The following PIK3CD variants were observed in gnomAD, a reference collection of about 807,000 sequenced individuals.
PIK3CD encodes phosphatidylinositol 4,5-bisphosphate 3-kinase catalytic subunit delta isoform.
In PIK3CD, 20 loss-of-function variants were observed where a neutral mutation model predicts 122.9. That is an observed-to-expected ratio of 0.16 (90% CI 0.11 to 0.24). The LOEUF is 0.24. Ranked by LOEUF, PIK3CD falls within the 10% of genes least tolerant of loss-of-function variation. The pLI is 1.00. For missense variants in PIK3CD, 787 were observed against 1,406.3 expected (o/e 0.56, Z 7.04); for synonymous variants, 596 against 593.4 (o/e 1.00, Z -0.06).
chr1:9,666,219 C>T (rs1321371965), intron 1 of PIK3CD, among the ~76,000 whole-genome samples: 50 of 134,876 alleles, frequency 3.7e-4, no homozygotes, highest in African/African-American at 1.3e-3. Flanking sequence ...TGAGCCACCG[C>T]GCCCGGTCTT....
intron 1 of PIK3CD, chr1:9,672,799 G>C (rs555706691): frequency 2.0e-5 from 3 of 152,286 alleles, no homozygotes; most frequent in Admixed American, 2.0e-4. Flanking sequence ...GGTTCAGGTA[G>C]AGAATTATTA....
chr1:9,720,060 G>T lies in PIK3CD; in HGVS notation c.1339+43G>T. ...AGGGAGAGGCGTTGGGAGTGTGAGG[G>T]TCCCAGAGATGCTGGTCACCCCTCT... is the stretch of plus-strand genomic sequence containing the variant. On this transcript the variant is annotated intron_variant, in intron 10 of 23. Coordinates refer to ENST00000377346, the MANE Select transcript of PIK3CD (RefSeq NM_005026.5). This position sits in a 1 kb window ranked among gnomAD's most constrained non-coding sequence, Gnocchi z 9.0. 1 of 1,613,352 alleles carries T rather than the reference G, an allele frequency of 6.2e-7. No homozygotes were observed. The highest frequency in any genetic ancestry group is 8.5e-7 in the Non-Finnish European group (1 of 1,179,934).
chr1:9,665,256 A>T (rs1191292644), intron 1 of PIK3CD, among the ~76,000 whole-genome samples: 1 of 150,920 alleles, frequency 6.6e-6, no homozygotes, highest in Non-Finnish European at 1.5e-5. Context: ...CTTCAGTCAT[A>T]TCCATCATAG....
intron 2 of PIK3CD, among the ~76,000 whole-genome samples, chr1:9,697,659 G>C (rs1646472271): frequency 6.6e-6 from 1 of 151,734 alleles, no homozygotes; most frequent in East Asian, 1.9e-4. Context: ...CTTGAGCTCA[G>C]GAGTTCAAGG....
the PIK3CD span, among the ~76,000 whole-genome samples, chr1:9,634,505 C>T: frequency 6.6e-6 from 1 of 151,834 alleles, no homozygotes; most frequent in Admixed American, 6.6e-5. Flanking sequence ...CGCCATGTTG[C>T]CCAGGCTGGT....
intron 3 of PIK3CD, among the ~76,000 whole-genome samples, chr1:9,713,947 G>A (rs984163008): frequency 6.6e-6 from 1 of 150,718 alleles, no homozygotes; most frequent in Non-Finnish European, 1.5e-5. Context: ...CAACCTCCTG[G>A]GCTCAAATGA....
chr1:9,630,490 G>A, the PIK3CD span, among the ~76,000 whole-genome samples: 1 of 152,204 alleles, frequency 6.6e-6, no homozygotes, highest in Non-Finnish European at 1.5e-5. Flanking sequence ...CTGGGTGCCA[G>A]ACACAGGGGA....
intron 1 of PIK3CD, among the ~76,000 whole-genome samples, chr1:9,671,262 G>A (rs115181894): frequency 0.015 from 2,318 of 152,062 alleles, 53 homozygotes; most frequent in African/African-American, 0.051. Context: ...ATCACACCCC[G>A]CTCATTTTGT....
chr1:9,702,762 C>T (rs1646696497), intron 2 of PIK3CD, among the ~76,000 whole-genome samples: 2 of 151,718 alleles, frequency 1.3e-5, no homozygotes, highest in Non-Finnish European at 2.9e-5. Context: ...TTCAAGTGAT[C>T]CACCTGCCTC....
At chr1:9,648,532 C>T (rs561647231), upstream of PIK3CD, among the ~76,000 whole-genome samples, 2 of 152,354 alleles carry the variant, frequency 1.3e-5, no homozygotes, top group South Asian at 2.1e-4. Context: ...TCAGGACAGG[C>T]TGCTCACTCG....
At chr1:9,671,967 C>T (rs2100995564) in intron 1 of PIK3CD, among the ~76,000 whole-genome samples, 1 of 152,316 alleles carries the variant, frequency 6.6e-6, no homozygotes, top group East Asian at 1.9e-4. Context: ...TCTGGTGTCA[C>T]CTGTGAGGCT....
intron 1 of PIK3CD, among the ~76,000 whole-genome samples, chr1:9,688,805 G>A (rs1294522772): frequency 6.6e-6 from 1 of 151,872 alleles, no homozygotes; most frequent in Non-Finnish European, 1.5e-5. Flanking sequence ...CCCAGCCAGG[G>A]CAACAGAGCA....
chr1:9,631,325 C>G, the PIK3CD span, among the ~76,000 whole-genome samples: 1 of 152,198 alleles, frequency 6.6e-6, no homozygotes, highest in Non-Finnish European at 1.5e-5. Context: ...CGCTAAGCAT[C>G]TGTCCTCATG....
chr1:9,657,974 C>A (rs535575250), intron 1 of PIK3CD, among the ~76,000 whole-genome samples: 5 of 152,218 alleles, frequency 3.3e-5, no homozygotes, highest in Admixed American at 1.3e-4. Context: ...CTGGGCCCCC[C>A]CCTTGCATCA....
chr1:9,716,252 C>T lies in PIK3CD; in HGVS notation c.600+174C>T, dbSNP rs972737461. On this transcript the variant is annotated intron_variant, in intron 5 of 23. Transcript: ENST00000377346. ...TGAACGTCCCCCCAGGCAAGCTCAA[C>T]GTGGCAGGATAACCAAGTGGCGTGG... is the stretch of plus-strand genomic sequence containing the variant. 4.1e-5 allele frequency: 33 copies of T among 811,740 alleles called. 1 individual carries two copies. The highest frequency in any genetic ancestry group is 3.0e-5 in the South Asian group (2 of 67,054). The allele number at this position is 811,740 out of a possible 1,614,324, so 50.3% of individuals were successfully genotyped here. A position where few individuals can be genotyped will look rare whatever the true frequency, so the allele number is the denominator to read the frequency against.
In PIK3CD at chr1:9,716,056, A is replaced by T; in HGVS notation, c.578A>T (p.Asn193Ile). 6.2e-7 allele frequency: 1 copy of T among 1,612,522 alleles called. No individual in the cohort carries two copies. Among genetic ancestry groups the T allele is most frequent in the Non-Finnish European group, 8.5e-7 (1 of 1,179,920 alleles). The change falls in exon 5 of 24, where the codon AAC becomes ATC. Residue 193 changes from asparagine to isoleucine, a missense_variant. Physicochemically the swap from Asn to Ile is moderately radical, Grantham distance 149. This residue lies in a region of PIK3CD where 592 missense variants were observed against 920.6 expected (regional missense o/e 0.64). Transcript: ENST00000377346. The part of the protein sequence containing the change: ...LRLPNRALLV[N>I]VKFEGSEESF... ...CTCCCGAACCGGGCCCTTCTGGTCA[A>T]CGTTAAGTTTGAGGGCAGCGAGGTG...
chr1:9,726,399 C>T (rs1476692881), intron 23 of PIK3CD, among the ~76,000 whole-genome samples: 1 of 152,004 alleles, frequency 6.6e-6, no homozygotes, highest in African/African-American at 2.4e-5. Context: ...GTCCCAGCTA[C>T]TTGGGAGGCT....
At chr1:9,687,015 CT>C (rs926898397) in intron 1 of PIK3CD, among the ~76,000 whole-genome samples, 1 of 152,194 alleles carries the variant, frequency 6.6e-6, no homozygotes, top group Non-Finnish European at 1.5e-5. Flanking sequence ...AAGAAAGTCA[CT>C]TTTGGGGGCT....
At chr1:9,659,346 T>C (rs1644947357) in intron 1 of PIK3CD, among the ~76,000 whole-genome samples, 1 of 152,218 alleles carries the variant, frequency 6.6e-6, no homozygotes, top group Non-Finnish European at 1.5e-5. Flanking sequence ...TCGTAATTAG[T>C]AGGCATATGC....
Sources: gnomAD v4.1 joint callset for allele counts (sites outside exome capture counted in the v4.1 genomes callset) on GRCh38, gnomAD v4.1.1 for gene constraint, gnomAD v4.1.1 regional missense constraint, Gnocchi (gnomAD v3.1) non-coding constraint, MANE v1.5 for transcripts, NCBI Gene and HGNC (gene_info 2026-07-23, HGNC 2026-07-21) for gene names.